The following PPARA variants were observed in gnomAD, a reference collection of about 807,000 sequenced individuals.
The protein encoded by PPARA is peroxisome proliferator-activated receptor alpha.
Under a neutral mutation model 42.2 loss-of-function variants are expected in PPARA, and 22 were observed. The ratio of observed to expected loss-of-function variants is 0.52; its 90% CI spans 0.37 to 0.74. The LOEUF (loss-of-function observed/expected upper bound fraction) is 0.74, where lower values mean the gene tolerates loss of function less well. PPARA is among the 30% of genes least tolerant of loss of function. The pLI is 0.00. For missense variants in PPARA, 465 were observed against 608.2 expected (o/e 0.76, Z 2.48); for synonymous variants, 242 against 239.3 (o/e 1.01, Z -0.10).
chr22:46,182,051 G>A lies in PPARA; in HGVS notation c.-43+5215G>A, dbSNP rs1478354718. 2.6e-5 allele frequency among the ~76,000 whole-genome samples: 4 copies of A among 152,054 alleles called. 1 individual carries two copies. The highest frequency in any genetic ancestry group is 5.9e-5 in the Non-Finnish European group (4 of 68,024). ...AGTAGAGACGGGGTTTTGCCACATTGGCCAGGCTGGTCTTGAACTCCTGAC... is the reference window on the plus strand; with the variant it reads ...AGTAGAGACGGGGTTTTGCCACATTAGCCAGGCTGGTCTTGAACTCCTGAC... On this transcript the variant is annotated intron_variant, in intron 3 of 8. Coordinates refer to ENST00000407236, the MANE Select transcript of PPARA (RefSeq NM_005036.6). This position sits in a 1 kb window ranked among gnomAD's most constrained non-coding sequence, Gnocchi z 5.2.
At chr22:46,166,487 A>G (rs1198805238) in intron 2 of PPARA, among the ~76,000 whole-genome samples, 1 of 151,980 alleles carries the variant, frequency 6.6e-6, no homozygotes, top group African/African-American at 2.4e-5. Context: ...ATGTGGTGGC[A>G]GGCGCCTGTA....
chr22:46,158,325 T>C (rs1186892485), intron 2 of PPARA, among the ~76,000 whole-genome samples: 1 of 152,136 alleles, frequency 6.6e-6, no homozygotes, highest in Non-Finnish European at 1.5e-5. Flanking sequence ...GAAAATTGCT[T>C]GAACCCAGGA....
In PPARA at chr22:46,161,868, C is replaced by A. The variant is rs1926228676; in HGVS notation, c.-127+9898C>A. The stretch of plus-strand genomic sequence containing the variant: ...TGGATGCCCCCACCCCCTCTGGCTC[C>A]ACGAGGCCCCCTGTACGTCACCATC... On this transcript the variant is annotated intron_variant, in intron 2 of 8. Transcript: ENST00000407236. The surrounding 1 kb of genome is among the most constrained non-coding windows in gnomAD (Gnocchi z 4.8). Among the ~76,000 whole-genome samples, 2 of 152,166 alleles carry A rather than the reference C, an allele frequency of 1.3e-5. No homozygotes were observed. The highest frequency in any genetic ancestry group is 2.9e-5 in the Non-Finnish European group (2 of 68,020).
In PPARA at chr22:46,216,663, C is replaced by A. The variant is rs1242368879; in HGVS notation, c.369+1330C>A. On this transcript the variant is annotated intron_variant, in intron 5 of 8. Transcript: ENST00000407236. The surrounding 1 kb of genome is among the most constrained non-coding windows in gnomAD (Gnocchi z 4.5). ...ACATCAGGGGCTTCTCCACCTGATT[C>A]AAGCGACAGGAACCCCCTGTGCATC... 6.6e-6 allele frequency among the ~76,000 whole-genome samples: 1 copy of A among 152,208 alleles called. No homozygotes were observed. The highest frequency in any genetic ancestry group is 1.5e-5 in the Non-Finnish European group (1 of 68,026).
In PPARA at chr22:46,204,671, T is replaced by A. The variant is rs994800367; in HGVS notation, c.208+6080T>A. On this transcript the variant is annotated intron_variant, in intron 4 of 8. Coordinates refer to ENST00000407236, the MANE Select transcript of PPARA (RefSeq NM_005036.6). This position sits in a 1 kb window ranked among gnomAD's most constrained non-coding sequence, Gnocchi z 5.2. ...TGCCATATATCTTCTTTGGTGATAT[T>A]TCTGTTCAAAGCCTTTGCTCATTTT... 6.6e-6 allele frequency among the ~76,000 whole-genome samples: 1 copy of A among 152,158 alleles called. No individual in the cohort carries two copies. Among genetic ancestry groups the A allele is most frequent in the African/African-American group, 2.4e-5 (1 of 41,450 alleles).
chr22:46,203,883 T>C lies in PPARA; in HGVS notation c.208+5292T>C, dbSNP rs954962392. ...ACACAAAAGCACCTGAGGTAAACACTTGTGGGGCAGGTTGCAGATTCTCTG... is the reference window on the plus strand; with the variant it reads ...ACACAAAAGCACCTGAGGTAAACACCTGTGGGGCAGGTTGCAGATTCTCTG... On this transcript the variant is annotated intron_variant, in intron 4 of 8. Coordinates refer to ENST00000407236, the MANE Select transcript of PPARA (RefSeq NM_005036.6). This position sits in a 1 kb window ranked among gnomAD's most constrained non-coding sequence, Gnocchi z 5.8. 6.6e-6 allele frequency among the ~76,000 whole-genome samples: 1 copy of C among 152,222 alleles called. No homozygotes were observed. The highest frequency in any genetic ancestry group is 2.4e-5 in the African/African-American group (1 of 41,452).
rs1924251493 is a variant in PPARA, at chr22:46,150,678, G to A, written c.-210+26G>A. The stretch of plus-strand genomic sequence containing the variant: ...GTGCCCGGGGGCGGGCGGGCGGGCG[G>A]GCGGGAACGCGCGCGGGGGTCCGCG... On this transcript the variant is annotated intron_variant, in intron 1 of 8. Transcript: ENST00000407236. This position sits in a 1 kb window ranked among gnomAD's most constrained non-coding sequence, Gnocchi z 7.5. 1.4e-5 allele frequency: 2 copies of A among 147,296 alleles called. No individual in the cohort carries two copies. The highest frequency in any genetic ancestry group is 4.9e-5 in the African/African-American group (2 of 40,872). 9.1% of individuals were successfully genotyped at this position (147,296 alleles called of 1,614,324 possible).
rs1296537869 is a variant in PPARA at position 46,196,580 on chromosome 22, A to G, written c.-42-1762A>G. Reference sequence around the variant, plus strand: ...ACACAGCTTGCCCCCTCATTCCCTGAGGTTATCTCCTGCCCCCTAATCAGT... The same window carrying G: ...ACACAGCTTGCCCCCTCATTCCCTGGGGTTATCTCCTGCCCCCTAATCAGT... On this transcript the variant is annotated intron_variant, in intron 3 of 8. Transcript: ENST00000407236. The surrounding 1 kb of genome is among the most constrained non-coding windows in gnomAD (Gnocchi z 5.6). 6.6e-6 allele frequency among the ~76,000 whole-genome samples: 1 copy of G among 151,958 alleles called. No individual in the cohort carries two copies. Among genetic ancestry groups the G allele is most frequent in the East Asian group, 1.9e-4 (1 of 5,182 alleles).
rs1927216814 is a variant in PPARA, at chr22:46,167,280, T to A, written c.-126-9473T>A. Reference sequence around the variant, plus strand: ...ATAATAGTATATATCATGTTACATATTATATTATGTAATATATATTATATG... The same window carrying A: ...ATAATAGTATATATCATGTTACATAATATATTATGTAATATATATTATATG... On this transcript the variant is annotated intron_variant, in intron 2 of 8. Transcript: ENST00000407236. This position sits in a 1 kb window ranked among gnomAD's most constrained non-coding sequence, Gnocchi z 4.1. 6.6e-6 allele frequency among the ~76,000 whole-genome samples: 1 copy of A among 150,944 alleles called. No homozygotes were observed. The highest frequency in any genetic ancestry group is 6.6e-5 in the Admixed American group (1 of 15,078).
chr22:46,153,193 G>A (rs1157655793), intron 2 of PPARA, among the ~76,000 whole-genome samples: 2 of 68,876 alleles, frequency 2.9e-5, no homozygotes, highest in Non-Finnish European at 5.4e-5. Flanking sequence ...TTTTGTGACA[G>A]AGTTTTGCTC....
rs557224401 is a variant in PPARA, at chr22:46,200,432, G to A, written c.208+1841G>A. 2.6e-5 allele frequency among the ~76,000 whole-genome samples: 4 copies of A among 152,372 alleles called. No homozygotes were observed. The highest frequency in any genetic ancestry group is 2.1e-4 in the South Asian group (1 of 4,830). ...ACAGCGTGTTACTGTACTGAACGGC[G>A]TAGGCCCCTGTGACACAATGGTAAG... On this transcript the variant is annotated intron_variant, in intron 4 of 8. Transcript: ENST00000407236. The surrounding 1 kb of genome is among the most constrained non-coding windows in gnomAD (Gnocchi z 4.8).
In PPARA at chr22:46,235,671, C is replaced by T; in HGVS notation, c.*291C>T. ...AACTCACCCGATGTTAATCAATGCA[C>T]ATTGCTTTAGATCACATTCGTGATT... On this transcript the variant is annotated 3_prime_UTR_variant, in exon 9 of 9. Coordinates refer to ENST00000407236, the MANE Select transcript of PPARA (RefSeq NM_005036.6). This position sits in a 1 kb window ranked among gnomAD's most constrained non-coding sequence, Gnocchi z 7.0. The T allele has an allele frequency of 2.3e-6, 1 of 440,152 alleles. No homozygotes were observed. Among genetic ancestry groups the T allele is most frequent in the Admixed American group, 3.6e-5 (1 of 27,806 alleles). The allele number at this position is 440,152 out of a possible 1,614,324, so 27.3% of individuals were successfully genotyped here.
intron 7 of PPARA, among the ~76,000 whole-genome samples, chr22:46,228,522 C>T (rs780532519): frequency 6.6e-6 from 1 of 151,916 alleles, no homozygotes; most frequent in Non-Finnish European, 1.5e-5. Flanking sequence ...GGCAACAGAG[C>T]GAGACTCCGT....
At position 46,184,508 on chromosome 22, in the gene PPARA, A is replaced by G. The variant is rs530978496; in HGVS notation, c.-43+7672A>G. Among the ~76,000 whole-genome samples, 2 of 152,302 alleles carry G rather than the reference A, an allele frequency of 1.3e-5. No homozygotes were observed. The highest frequency in any genetic ancestry group is 1.9e-4 in the East Asian group (1 of 5,176). The stretch of plus-strand genomic sequence containing the variant: ...TGGGGTCAGAAGCCAGTTTCCTCCC[A>G]TATTTAGAAGGTTTCCAACTGTTAT... On this transcript the variant is annotated intron_variant, in intron 3 of 8. Coordinates refer to ENST00000407236, the MANE Select transcript of PPARA (RefSeq NM_005036.6). The surrounding 1 kb of genome is among the most constrained non-coding windows in gnomAD (Gnocchi z 4.4).
In PPARA at chr22:46,221,595, C is replaced by G. The variant is rs1935006964; in HGVS notation, c.711+1581C>G. ...CAGGCGGATCACGAGGTCAGGAGAT[C>G]AAGACCATCCTGGCTAACATGGTGA... On this transcript the variant is annotated intron_variant, in intron 7 of 8. Transcript: ENST00000407236. This position sits in a 1 kb window ranked among gnomAD's most constrained non-coding sequence, Gnocchi z 5.9. 6.6e-6 allele frequency among the ~76,000 whole-genome samples: 1 copy of G among 151,926 alleles called. No homozygotes were observed. The highest frequency in any genetic ancestry group is 2.4e-5 in the African/African-American group (1 of 41,362).
In PPARA at chr22:46,224,092, C is replaced by T. The variant is rs565878431; in HGVS notation, c.711+4078C>T. Among the ~76,000 whole-genome samples, 26 of 152,298 alleles carry T rather than the reference C, an allele frequency of 1.7e-4. No individual in the cohort carries two copies. The highest frequency in any genetic ancestry group is 6.3e-4 in the African/African-American group (26 of 41,558). On this transcript the variant is annotated intron_variant, in intron 7 of 8. Coordinates refer to ENST00000407236, the MANE Select transcript of PPARA (RefSeq NM_005036.6). The surrounding 1 kb of genome is among the most constrained non-coding windows in gnomAD (Gnocchi z 5.7). ...ACCCACACCCACAAAGCCAGAGCAC[C>T]GCAGGTACCAGTTTTCAAGGCAACC...
Position 46,187,415 on chromosome 22 carries a change from G to A in PPARA, c.-43+10579G>A, listed in dbSNP as rs560524666. Among the ~76,000 whole-genome samples the A allele has an allele frequency of 6.6e-6, 1 of 152,088 alleles. No individual in the cohort carries two copies. Among genetic ancestry groups the A allele is most frequent in the East Asian group, 1.9e-4 (1 of 5,198 alleles). On this transcript the variant is annotated intron_variant, in intron 3 of 8. Transcript: ENST00000407236. The surrounding 1 kb of genome is among the most constrained non-coding windows in gnomAD (Gnocchi z 4.9). The stretch of plus-strand genomic sequence containing the variant: ...ACATTCATCCTAGACTCTGTCCCAG[G>A]TCCCTGGTCCAGGCAGCTGCCAGTT...
intron 2 of PPARA, among the ~76,000 whole-genome samples, chr22:46,170,438 G>A (rs556251315): frequency 2.6e-4 from 36 of 139,456 alleles, no homozygotes; most frequent in Admixed American, 5.8e-4. Context: ...TTGTAGGGAC[G>A]GGGTTTTGTC....
At position 46,160,757 on chromosome 22, in the gene PPARA, C is replaced by T. The variant is rs1039343518; in HGVS notation, c.-127+8787C>T. On this transcript the variant is annotated intron_variant, in intron 2 of 8. Transcript: ENST00000407236. The surrounding 1 kb of genome is among the most constrained non-coding windows in gnomAD (Gnocchi z 4.5). ...CTGGGACTACAGGTGCACACCACCA[C>T]ACCCAACTAGATTTTGTGTTTTTTG... Among the ~76,000 whole-genome samples, 2 of 152,176 alleles carry T rather than the reference C, an allele frequency of 1.3e-5. No individual in the cohort carries two copies. Among genetic ancestry groups the T allele is most frequent in the Admixed American group, 6.5e-5 (1 of 15,268 alleles).
Sources: gnomAD v4.1 joint callset for allele counts (sites outside exome capture counted in the v4.1 genomes callset) on GRCh38, gnomAD v4.1.1 for gene constraint, Gnocchi (gnomAD v3.1) non-coding constraint, MANE v1.5 for transcripts, NCBI Gene and HGNC (gene_info 2026-07-23, HGNC 2026-07-21) for gene names.